The following AP3B1 variants were observed in gnomAD, a reference collection of about 807,000 sequenced individuals.
The protein encoded by AP3B1 is adaptor related protein complex 3 subunit beta 1.
In AP3B1, 61 loss-of-function variants were observed where a neutral mutation model predicts 132.5. That is an observed-to-expected ratio of 0.46 (90% confidence interval 0.37 to 0.57). AP3B1 has a LOEUF of 0.57. Ranked by LOEUF, AP3B1 falls within the 20% of genes least tolerant of loss-of-function variation. The pLI is 0.00. For synonymous variants in AP3B1, 388 were observed against 438.3 expected (o/e 0.89, Z 1.43); for missense variants, 1,120 against 1,289.4 (o/e 0.87, Z 2.01).
At chr5:78,117,473 C>T (rs1013966320) in intron 17 of AP3B1, among the ~76,000 whole-genome samples, 1 of 151,964 alleles carries the variant, frequency 6.6e-6, no homozygotes, top group Non-Finnish European at 1.5e-5. Context: ...CCACGCCCAG[C>T]TAATTTTTGT....
intron 4 of AP3B1, among the ~76,000 whole-genome samples, 167 bp from the exon 5 acceptor site, chr5:78,227,699 A>C (rs1746457158): frequency 6.6e-6 from 1 of 152,182 alleles, no homozygotes; most frequent in African/African-American, 2.4e-5. Context: ...AAAAAAAGAC[A>C]GACATAAATG....
chr5:78,018,296 A>C (rs7718254), intron 25 of AP3B1, among the ~76,000 whole-genome samples: 1 of 151,902 alleles, frequency 6.6e-6, no homozygotes, highest in Admixed American at 6.6e-5. Context: ...CTAATCTTTC[A>C]TTTACCACTT....
chr5:78,026,593 C>T (rs1463261415), intron 24 of AP3B1, among the ~76,000 whole-genome samples: 1 of 152,206 alleles, frequency 6.6e-6, no homozygotes, highest in Non-Finnish European at 1.5e-5. Context: ...ATTATCATTT[C>T]CAATTTTTCT....
Position 78,089,517 on chromosome 5 carries a change from A to G in AP3B1, c.2471-18T>C. 1 of 1,482,366 alleles carries G rather than the reference A, an allele frequency of 6.7e-7. No individual in the cohort carries two copies. The highest frequency in any genetic ancestry group is 1.1e-5 in the South Asian group (1 of 88,354). The allele number at this position is 1,482,366 out of a possible 1,614,324, so 91.8% of individuals were successfully genotyped here. A position where few individuals can be genotyped will look rare whatever the true frequency, so the allele number is the denominator to read the frequency against. ...TGGGTTAACTGTAAGAAAAGGCCCA[A>G]ATTAGTAAATGTGCATGAACGTTTA... On this transcript the variant is annotated intron_variant, in intron 21 of 26. Coordinates refer to ENST00000255194, the MANE Select transcript of AP3B1 (RefSeq NM_003664.5).
intron 14 of AP3B1, among the ~76,000 whole-genome samples, chr5:78,142,691 C>A (rs1247324304): frequency 1.3e-5 from 2 of 151,960 alleles, no homozygotes; most frequent in Non-Finnish European, 1.5e-5. Flanking sequence ...ATCAAAAAAG[C>A]TTTTAAATAA....
At chr5:78,105,813 A>T (rs1751308712) in intron 20 of AP3B1, among the ~76,000 whole-genome samples, 1 of 152,232 alleles carries the variant, frequency 6.6e-6, no homozygotes, top group Non-Finnish European at 1.5e-5. Context: ...TCAAATGAGG[A>T]CATATTCCAA....
At chr5:78,158,037 C>A (rs1267485999) in intron 13 of AP3B1, among the ~76,000 whole-genome samples, 1 of 152,212 alleles carries the variant, frequency 6.6e-6, no homozygotes, top group Non-Finnish European at 1.5e-5. Flanking sequence ...GTGTGAGCCA[C>A]CATGCCCGGC....
At chr5:78,274,739 A>G (rs935265501) in intron 1 of AP3B1, among the ~76,000 whole-genome samples, 15 of 152,072 alleles carry the variant, frequency 9.9e-5, no homozygotes, top group African/African-American at 3.4e-4. Flanking sequence ...GGCACAACAT[A>G]GTGAGGCCCA....
chr5:78,259,757 T>C (rs1046488077), intron 2 of AP3B1, among the ~76,000 whole-genome samples: 5 of 151,962 alleles, frequency 3.3e-5, no homozygotes, highest in Non-Finnish European at 7.4e-5. Flanking sequence ...TACTTGACGG[T>C]AGGAGTTGGA....
At chr5:78,272,538 A>C (rs183478092) in intron 1 of AP3B1, among the ~76,000 whole-genome samples, 1 of 152,322 alleles carries the variant, frequency 6.6e-6, no homozygotes, top group East Asian at 1.9e-4. Context: ...AATGAACAAA[A>C]GTGATAGGAA....
intron 22 of AP3B1, among the ~76,000 whole-genome samples, chr5:78,058,837 C>T (rs1187971574): frequency 6.6e-6 from 1 of 152,156 alleles, no homozygotes; most frequent in Non-Finnish European, 1.5e-5. Context: ...CCGGGTTCTG[C>T]TCTTCATGGA....
At chr5:78,189,606 A>C (rs892575386) in intron 7 of AP3B1, among the ~76,000 whole-genome samples, 62 of 152,230 alleles carry the variant, frequency 4.1e-4, no homozygotes, top group Non-Finnish European at 2.5e-4. Flanking sequence ...ATGGTGGCTC[A>C]CACCTATAAT....
chr5:78,096,727 CCACCCGGCAA>C (rs1750813320), intron 21 of AP3B1, among the ~76,000 whole-genome samples: 1 of 151,550 alleles, frequency 6.6e-6, no homozygotes, highest in Non-Finnish European at 1.5e-5. Flanking sequence ...AGGAGACCCT[CCACCCGGCAA>C]CTGCCCCGTC....
chr5:78,053,949 A>G (rs1748699384), intron 22 of AP3B1, among the ~76,000 whole-genome samples: 1 of 152,162 alleles, frequency 6.6e-6, no homozygotes. Context: ...TACAGATTTG[A>G]GCTGAAATTG....
At chr5:78,231,095 G>A (rs1746631116) in intron 3 of AP3B1, among the ~76,000 whole-genome samples, 1 of 152,000 alleles carries the variant, frequency 6.6e-6, no homozygotes, top group Non-Finnish European at 1.5e-5. Context: ...ACCCCAGCCT[G>A]GGTGACAAAG....
chr5:78,253,351 G>A (rs1351343382), intron 2 of AP3B1, among the ~76,000 whole-genome samples: 1 of 152,146 alleles, frequency 6.6e-6, no homozygotes, highest in African/African-American at 2.4e-5. Context: ...CAACCTCTAT[G>A]AGGCTGCAAA....
chr5:78,106,440 A>T (rs1482051122), intron 20 of AP3B1, among the ~76,000 whole-genome samples: 1 of 151,890 alleles, frequency 6.6e-6, no homozygotes, highest in Non-Finnish European at 1.5e-5. Context: ...CTTGGGTGAC[A>T]GAGCAAGACT....
In AP3B1 at chr5:78,175,819, G is replaced by C; in HGVS notation, c.1060C>G (p.Leu354Val). The C allele has an allele frequency of 6.2e-7, 1 of 1,611,358 alleles. No homozygotes were observed. ...RSNREVQYIV[L>V]QNIATMSIQR... Reference sequence around the variant, plus strand: ...ATTGACATAGTTGCTATATTTTGTAGGACAATATACTGCACCTCCCTAGAA... The same window carrying C: ...ATTGACATAGTTGCTATATTTTGTACGACAATATACTGCACCTCCCTAGAA... Residue 354 changes from leucine (L) to valine (V), a missense_variant, in exon 10 of 27, where the codon CTA becomes GTA. This residue lies in a region of AP3B1 where 906 missense variants were observed against 997.1 expected (regional missense o/e 0.91). Coordinates refer to ENST00000255194, the MANE Select transcript of AP3B1 (RefSeq NM_003664.5).
At chr5:78,128,233 C>A in intron 16 of AP3B1, 73 bp from the exon 17 acceptor site, 1 of 1,360,726 alleles carries the variant, frequency 7.3e-7, no homozygotes. Flanking sequence ...ATAATCAGAG[C>A]TCAAGGTAAT....
Sources: gnomAD v4.1 joint callset for allele counts (sites outside exome capture counted in the v4.1 genomes callset) on GRCh38, gnomAD v4.1.1 for gene constraint, gnomAD v4.1.1 regional missense constraint, MANE v1.5 for transcripts, NCBI Gene and HGNC (gene_info 2026-07-23, HGNC 2026-07-21) for gene names.